The following MCOLN3 variants were observed in gnomAD, a reference collection of about 807,000 sequenced individuals.
The protein encoded by MCOLN3 is mucolipin TRP cation channel 3.
Under a neutral mutation model 69.4 loss-of-function variants are expected in MCOLN3, and 62 were observed. That is an observed-to-expected ratio of 0.89 (90% CI 0.73 to 1.10). MCOLN3 has a LOEUF of 1.10. MCOLN3 is among the 50% of genes least tolerant of loss of function. MCOLN3 has a pLI of 0.00. For missense variants in MCOLN3, 564 were observed against 656.4 expected (o/e 0.86, Z 1.54); for synonymous variants, 183 against 217.0 (o/e 0.84, Z 1.38).
chr1:85,020,427 G>T (rs899334962), intron 12 of MCOLN3, among the ~76,000 whole-genome samples: 1 of 151,668 alleles, frequency 6.6e-6, no homozygotes, highest in Non-Finnish European at 1.5e-5. Flanking sequence ...TATAAGTTAT[G>T]GAAATTGAAA....
Position 85,022,054 on chromosome 1 carries a change from A to C in MCOLN3, c.1320+16T>G. 1 of 1,605,490 alleles carries C rather than the reference A, an allele frequency of 6.2e-7. No individual in the cohort carries two copies. ...AAAAGCTTAATAGTAACAGGAAAAAAGTTGTTTATCAGTACCTTGTCATGG... is the reference window on the plus strand; with the variant it reads ...AAAAGCTTAATAGTAACAGGAAAAACGTTGTTTATCAGTACCTTGTCATGG... On this transcript the variant is annotated intron_variant, in intron 11 of 12. Transcript: ENST00000370589.
At chr1:85,020,596 G>T (rs543081399) in intron 12 of MCOLN3, among the ~76,000 whole-genome samples, 57 of 152,318 alleles carry the variant, frequency 3.7e-4, no homozygotes, top group African/African-American at 1.3e-3. Context: ...TATTCTGGAG[G>T]CTGGGCCCCT....
chr1:85,039,631 A>G (rs1652962599), intron 3 of MCOLN3, among the ~76,000 whole-genome samples: 1 of 152,222 alleles, frequency 6.6e-6, no homozygotes, highest in Non-Finnish European at 1.5e-5. Flanking sequence ...TAAGTGCCAA[A>G]TACTACATTT....
At chr1:85,038,068 A>G (rs1424312863) in intron 3 of MCOLN3, among the ~76,000 whole-genome samples, 1 of 152,236 alleles carries the variant, frequency 6.6e-6, no homozygotes, top group Non-Finnish European at 1.5e-5. Context: ...ACTATGTTTG[A>G]GCTGCAAGAA....
rs1652598564 is a variant in MCOLN3, at chr1:85,032,712, T to G, written c.716A>C (p.Tyr239Ser). The G allele has an allele frequency of 6.2e-7, 1 of 1,613,416 alleles. No individual in the cohort carries two copies. The highest frequency in any genetic ancestry group is 1.3e-5 in the African/African-American group (1 of 74,938). Reference protein sequence around the residue: ...TVRHQELPDCYDFTLTITFDN... With the variant: ...TVRHQELPDCSDFTLTITFDN... ...CACACTTACAGTCAGAGTAAAGTCATAACAGTCAGGGAGTTCTTGATGACG... is the reference window on the plus strand; with the variant it reads ...CACACTTACAGTCAGAGTAAAGTCAGAACAGTCAGGGAGTTCTTGATGACG... Residue 239 changes from tyrosine (Y) to serine (S), a missense_variant, in exon 6 of 13, where the codon TAT becomes TCT. Tyr to Ser is a moderately radical substitution (Grantham distance 144, BLOSUM62 -2). Coordinates refer to ENST00000370589, the MANE Select transcript of MCOLN3 (RefSeq NM_018298.11).
In MCOLN3 at chr1:85,020,972, A is replaced by G; in HGVS notation, c.1527+98T>C. 4 of 840,038 alleles carry G rather than the reference A, an allele frequency of 4.8e-6. No individual in the cohort carries two copies. In the East Asian group the frequency reaches 1.1e-4, roughly 23 times the overall value. 52.0% of individuals were successfully genotyped at this position (840,038 alleles called of 1,614,324 possible). On this transcript the variant is annotated intron_variant, in intron 12 of 12. Coordinates refer to ENST00000370589, the MANE Select transcript of MCOLN3 (RefSeq NM_018298.11). ...TTTTCTCTATCCTGAAGAAATTAAC[A>G]TTCCATCAACTTTTCTTCTACCATT...
In MCOLN3 at chr1:85,041,117, C is replaced by T. The variant is rs771354010; in HGVS notation, c.289G>A (p.Ala97Thr). The T allele has an allele frequency of 2.5e-6, 4 of 1,613,996 alleles. No individual in the cohort carries two copies. The highest frequency in any genetic ancestry group is 3.4e-6 in the Non-Finnish European group (4 of 1,179,968). ...CCTTTTAGGAAAAGGTGTTTGAATG[C>T]TATAGTATTCTCTTCCTTGAAAGCT... The part of the protein sequence containing the change: ...VVAFKEENTI[A>T]FKHLFLKGYM... The change falls in exon 3 of 13, where the codon GCA (alanine) becomes ACA (threonine). Residue 97 changes from alanine (A) to threonine (T), a missense_variant. Physicochemically the swap from Ala to Thr is moderately conservative, Grantham distance 58 (BLOSUM62 0). Transcript: ENST00000370589.
intron 2 of MCOLN3, among the ~76,000 whole-genome samples, chr1:85,043,159 C>T (rs190572376): frequency 4.9e-4 from 74 of 152,222 alleles, no homozygotes; most frequent in African/African-American, 1.7e-3. Flanking sequence ...ATGACAGGGT[C>T]CTTTTCCTTA....
chr1:85,036,732 C>T (rs1035136014), intron 3 of MCOLN3: 2 of 152,108 alleles, frequency 1.3e-5, no homozygotes, highest in African/African-American at 4.8e-5. Context: ...AGCTTCAGGG[C>T]CTTCTGTTGC....
intron 7 of MCOLN3, among the ~76,000 whole-genome samples, chr1:85,027,496 A>C (rs1225507650): frequency 6.6e-6 from 1 of 152,176 alleles, no homozygotes; most frequent in Non-Finnish European, 1.5e-5. Flanking sequence ...GTTTGTTTCC[A>C]GTGTCCATCA....
rs765828467 is a variant in MCOLN3 at position 85,032,851 on chromosome 1, A to G, written c.635+21T>C. On this transcript the variant is annotated intron_variant, in intron 5 of 12. Transcript: ENST00000370589. ...ATATATACGTGCAAACGTAAGTTAC[A>G]CTCCTGTCTGCTCCCCTCACCTGTG... The G allele has an allele frequency of 1.8e-5, 29 of 1,613,708 alleles. No individual in the cohort carries two copies. In the East Asian group the frequency reaches 6.5e-4, roughly 36 times the overall value.
At position 85,034,600 on chromosome 1, in the gene MCOLN3, C is replaced by CT. The variant is rs1459503302; in HGVS notation, c.397-350dup. 1.5e-4 allele frequency among the ~76,000 whole-genome samples: 23 copies of CT among 152,296 alleles called. No homozygotes were observed. The East Asian group carries it at 3.7e-3, about 24-fold the overall frequency. ...ATGTAAATACATATTTATCTTTAAA[C>CT]TATCTCCTGTAAGGTCAGAGTTCTA... On this transcript the variant is annotated intron_variant, in intron 3 of 12. Coordinates refer to ENST00000370589, the MANE Select transcript of MCOLN3 (RefSeq NM_018298.11).
intron 6 of MCOLN3, among the ~76,000 whole-genome samples, chr1:85,031,089 G>A (rs1652491555): frequency 6.6e-6 from 1 of 152,038 alleles, no homozygotes; most frequent in Admixed American, 6.6e-5. Flanking sequence ...TGGCCAACAT[G>A]GTGAAACCCC....
intron 2 of MCOLN3, 70 bp downstream of exon 2, chr1:85,045,063 A>C (rs1008019329): frequency 8.0e-7 from 1 of 1,248,578 alleles, no homozygotes; most frequent in Non-Finnish European, 1.1e-6. Context: ...TTTAAAAAAA[A>C]AACCACTGTC....
At chr1:85,033,780 G>T (rs1194632620) in intron 4 of MCOLN3, among the ~76,000 whole-genome samples, 1 of 152,154 alleles carries the variant, frequency 6.6e-6, no homozygotes, top group African/African-American at 2.4e-5. Flanking sequence ...CGATAGCTAA[G>T]AACACAAACA....
chr1:85,045,453 G>T, intron 1 of MCOLN3, 91 bp from the exon 2 acceptor site: 2 of 1,015,828 alleles, frequency 2.0e-6, no homozygotes, highest in South Asian at 1.8e-5. Context: ...GCAAGGAGAA[G>T]CCCATACAGA....
intron 6 of MCOLN3, among the ~76,000 whole-genome samples, chr1:85,031,889 G>A (rs918313150): frequency 1.4e-5 from 2 of 147,302 alleles, no homozygotes; most frequent in Admixed American, 6.9e-5. Flanking sequence ...TGGCTAACGC[G>A]GTGAAACCCC....
intron 1 of MCOLN3, 87 bp from the exon 2 acceptor site, chr1:85,045,449 A>G (rs1269154929): frequency 9.5e-7 from 1 of 1,050,388 alleles, no homozygotes; most frequent in Non-Finnish European, 1.4e-6. Context: ...TATTGCAAGG[A>G]GAAGCCCATA....
chr1:85,043,954 A>G (rs1653211125), intron 2 of MCOLN3, among the ~76,000 whole-genome samples: 1 of 151,826 alleles, frequency 6.6e-6, no homozygotes, highest in Non-Finnish European at 1.5e-5. Context: ...GGTTTTCACC[A>G]TGTTACCCAG....
Sources: gnomAD v4.1 joint callset for allele counts (sites outside exome capture counted in the v4.1 genomes callset) on GRCh38, gnomAD v4.1.1 for gene constraint, MANE v1.5 for transcripts, NCBI Gene and HGNC (gene_info 2026-07-23, HGNC 2026-07-21) for gene names.